The following GPAM variants were observed in gnomAD, a reference collection of about 807,000 sequenced individuals.
The protein encoded by GPAM is glycerol-3-phosphate acyltransferase 1, mitochondrial.
A neutral mutation model predicts 105.0 loss-of-function variants in GPAM; 56 were observed. The observed-to-expected ratio is 0.53, with a 90% CI of 0.43 to 0.67. The LOEUF (loss-of-function observed/expected upper bound fraction) is 0.67. Ranked by LOEUF, GPAM falls within the 30% of genes least tolerant of loss-of-function variation. The pLI is 0.00. For synonymous variants in GPAM, 368 were observed against 354.4 expected, an observed-to-expected ratio of 1.04 and a Z score of -0.43; for missense variants, 855 against 989.8, an observed-to-expected ratio of 0.86 and a Z score of 1.83.
chr10:112,188,655 C>G (rs898907962), upstream of GPAM, among the ~76,000 whole-genome samples: 2 of 152,146 alleles, frequency 1.3e-5, no homozygotes, highest in African/African-American at 4.8e-5. Flanking sequence ...TGCACATGTA[C>G]CTCTGTGTAC....
At chr10:112,199,999 A>C (rs1282356760) in intron 1 of GPAM, among the ~76,000 whole-genome samples, 1 of 151,258 alleles carries the variant, frequency 6.6e-6, no homozygotes, top group Non-Finnish European at 1.5e-5. Context: ...AAATATATAC[A>C]ATTGTTGTCA....
intron 1 of GPAM, among the ~76,000 whole-genome samples, chr10:112,191,220 T>C (rs562849671): frequency 2.5e-4 from 38 of 152,330 alleles, no homozygotes; most frequent in African/African-American, 8.9e-4. Flanking sequence ...GTCTTTGTGA[T>C]GAGGCAGGTT....
chr10:112,153,615 T>G lies in GPAM; in HGVS notation c.2422A>C (p.Thr808Pro). The G allele has an allele frequency of 1.9e-6, 3 of 1,613,712 alleles. No individual in the cohort carries two copies. In the South Asian group the frequency reaches 3.3e-5, roughly 18 times the overall value. The change falls in exon 22 of 22, where the codon ACT (threonine) becomes CCT (proline). Residue 808 changes from threonine to proline, a missense_variant. Thr to Pro is a conservative substitution (Grantham distance 38). Coordinates refer to ENST00000348367, the MANE Select transcript of GPAM (RefSeq NM_001244949.2). ...TGTCGGTTGCATTGAGGTAGAAAAG[T>G]GCTGCTCAGTTCTAAAACAGACACT... The part of the protein sequence containing the change: ...KRVSVLELSS[T>P]FLPQCNRQKL...
upstream of GPAM, among the ~76,000 whole-genome samples, chr10:112,186,816 GC>G (rs1280929623): frequency 1.3e-5 from 2 of 152,134 alleles, no homozygotes; most frequent in African/African-American, 4.8e-5. Flanking sequence ...CTCCCAAAGT[GC>G]TGGGATTATA....
At position 112,168,307 on chromosome 10, in the gene GPAM, C is replaced by T; in HGVS notation, c.1107+5G>A. Reference sequence around the variant, plus strand: ...CAAAGAAAACTTTTGTGTAGGTACCCTTACCAGTTGTTCACCATTGTAGTG... The same window carrying T: ...CAAAGAAAACTTTTGTGTAGGTACCTTTACCAGTTGTTCACCATTGTAGTG... On this transcript the variant is annotated splice_donor_5th_base_variant and intron_variant, in intron 11 of 21. Transcript: ENST00000348367. The T allele has an allele frequency of 6.6e-7, 1 of 1,506,308 alleles. No homozygotes were observed. The highest frequency in any genetic ancestry group is 9.2e-7 in the Non-Finnish European group (1 of 1,081,498). 93.3% of individuals were successfully genotyped at this position (1,506,308 alleles called of 1,614,324 possible).
chr10:112,217,389 A>G (rs1311023492), upstream of GPAM, among the ~76,000 whole-genome samples: 1 of 151,712 alleles, frequency 6.6e-6, no homozygotes, highest in Non-Finnish European at 1.5e-5. Context: ...AGTCACAAAT[A>G]TCCACCATTC....
the GPAM span, among the ~76,000 whole-genome samples, chr10:112,225,111 C>T: frequency 0.032 from 4,856 of 152,248 alleles, 180 homozygotes; most frequent in African/African-American, 0.084. Context: ...CAGGGGTCTC[C>T]GCCAGAATGG....
intron 1 of GPAM, among the ~76,000 whole-genome samples, chr10:112,204,754 C>A (rs2133299408): frequency 6.6e-6 from 1 of 151,034 alleles, no homozygotes; most frequent in Non-Finnish European, 1.5e-5. Context: ...TGAAAACTGG[C>A]ACAAGACAGG....
chr10:112,172,345 A>G lies in GPAM; in HGVS notation c.658-27T>C, dbSNP rs1589591130. 5.6e-6 allele frequency: 9 copies of G among 1,604,138 alleles called. 2 individuals carry two copies. In the Admixed American group the frequency reaches 1.5e-4, roughly 27 times the overall value. On this transcript the variant is annotated intron_variant, in intron 8 of 21. Coordinates refer to ENST00000348367, the MANE Select transcript of GPAM (RefSeq NM_001244949.2). ...TAGCAAAGGGAAAAATGCCAAATTT[A>G]AAACTCAAATGTAAAATTCAATCAC...
intron 21 of GPAM, 194 bp from the exon 22 acceptor site, chr10:112,153,860 T>C (rs1986438): frequency 0.58 from 314,487 of 543,866 alleles, 91,914 homozygotes; most frequent in East Asian, 0.62. Context: ...AACAAGGTTT[T>C]CTTTTTCTAT....
At chr10:112,155,837 A>G in intron 20 of GPAM, 27 bp downstream of exon 20, 2 of 1,326,532 alleles carry the variant, frequency 1.5e-6, no homozygotes, top group Non-Finnish European at 1.1e-6. Flanking sequence ...AAAAGATTTT[A>G]AAAGAATAAA....
At chr10:112,155,440 T>A (rs1846998868) in intron 20 of GPAM, 1 of 191,704 alleles carries the variant, frequency 5.2e-6, no homozygotes, top group Non-Finnish European at 1.1e-5. Context: ...CAGGCAATTC[T>A]GTTCCCACAT....
At chr10:112,154,770 G>C in intron 20 of GPAM, 83 bp from the exon 21 acceptor site, 2 of 1,113,058 alleles carry the variant, frequency 1.8e-6, no homozygotes, top group South Asian at 1.3e-5. Context: ...AGAAAGTATG[G>C]GGAGCTAGGA....
the GPAM span, among the ~76,000 whole-genome samples, chr10:112,223,220 T>C: frequency 6.6e-6 from 1 of 152,132 alleles, no homozygotes; most frequent in Non-Finnish European, 1.5e-5. Context: ...TCCATTTCCT[T>C]TCACCCTTCA....
chr10:112,182,375 G>A (rs867043398), intron 2 of GPAM, among the ~76,000 whole-genome samples: 2 of 152,084 alleles, frequency 1.3e-5, no homozygotes, highest in Non-Finnish European at 2.9e-5. Context: ...TTAATACAAA[G>A]GTAATACAAA....
intron 17 of GPAM, 84 bp from the exon 18 acceptor site, chr10:112,158,477 G>T: frequency 1.2e-6 from 1 of 857,214 alleles, no homozygotes; most frequent in Non-Finnish European, 2.0e-6. Flanking sequence ...CAAGGTAGCT[G>T]CCAAAGCCTT....
At position 112,152,718 on chromosome 10, in the gene GPAM, C is replaced by A. The variant is rs182129505; in HGVS notation, c.*832G>T. Reference sequence around the variant, plus strand: ...AGGCAGGTATTACCTGAGGGGTGGACGAGGTACAGACATAAAACAGGAAGG... The same window carrying A: ...AGGCAGGTATTACCTGAGGGGTGGAAGAGGTACAGACATAAAACAGGAAGG... On this transcript the variant is annotated 3_prime_UTR_variant, in exon 22 of 22. Transcript: ENST00000348367. 1.0e-6 allele frequency: 1 copy of A among 982,358 alleles called. No individual in the cohort carries two copies. Among genetic ancestry groups the A allele is most frequent in the African/African-American group, 1.7e-5 (1 of 57,148 alleles). The allele number at this position is 982,358 out of a possible 1,614,324, so 60.9% of individuals were successfully genotyped here.
chr10:112,197,638 T>TC (rs1346378096), intron 1 of GPAM, among the ~76,000 whole-genome samples: 1 of 56,232 alleles, frequency 1.8e-5, no homozygotes, highest in African/African-American at 7.2e-5. Context: ...CCCTCCACCC[T>TC]CCCCCCACCC....
At chr10:112,175,433 G>A (rs963556306) in intron 6 of GPAM, among the ~76,000 whole-genome samples, 167 bp downstream of exon 6, 1 of 152,140 alleles carries the variant, frequency 6.6e-6, no homozygotes, top group Non-Finnish European at 1.5e-5. Context: ...CTGTTCTCCT[G>A]CCTTTCTTTA....
Sources: gnomAD v4.1 joint callset for allele counts (sites outside exome capture counted in the v4.1 genomes callset) on GRCh38, gnomAD v4.1.1 for gene constraint, MANE v1.5 for transcripts, NCBI Gene and HGNC (gene_info 2026-07-23, HGNC 2026-07-21) for gene names.